HEPHL1: variants seen among roughly 807,000 people sequenced by gnomAD.
HEPHL1 encodes ferroxidase HEPHL1.
In HEPHL1, 123 loss-of-function variants were observed where a neutral mutation model predicts 122.0. The ratio of observed to expected loss-of-function variants is 1.01; its 90% CI spans 0.87 to 1.17. The LOEUF (loss-of-function observed/expected upper bound fraction) is 1.17, where lower values mean the gene tolerates loss of function less well. Ranked by LOEUF, HEPHL1 falls within the 50% of genes most tolerant of loss-of-function variation. HEPHL1 has a pLI of 0.00. For missense variants in HEPHL1, 1,452 were observed against 1,430.5 expected, an observed-to-expected ratio of 1.01 and a Z score of -0.24; for synonymous variants, 527 against 508.9, an observed-to-expected ratio of 1.04 and a Z score of -0.48.
chr11:94,037,288 G>A (rs1435240515), intron 1 of HEPHL1, among the ~76,000 whole-genome samples: 1 of 151,974 alleles, frequency 6.6e-6, no homozygotes, highest in African/African-American at 2.4e-5. Context: ...AGCGAGGCTG[G>A]GGGAGGGGCG....
chr11:94,075,592 C>T (rs1237141485), intron 9 of HEPHL1, among the ~76,000 whole-genome samples: 1 of 152,110 alleles, frequency 6.6e-6, no homozygotes, highest in Non-Finnish European at 1.5e-5. Context: ...CACTCAGGAA[C>T]CTAGAATCTC....
At chr11:94,036,946 C>T (rs143139876) in intron 1 of HEPHL1, among the ~76,000 whole-genome samples, 8,510 of 152,082 alleles carry the variant, frequency 0.056, 433 homozygotes, top group East Asian at 0.2. Flanking sequence ...TCTGCATTTC[C>T]ATCTGAGGTA....
At chr11:94,058,115 G>A (rs1358541330) in intron 2 of HEPHL1, among the ~76,000 whole-genome samples, 1 of 152,120 alleles carries the variant, frequency 6.6e-6, no homozygotes, top group East Asian at 1.9e-4. Flanking sequence ...AAGAAGTTGT[G>A]CCTAAGCATC....
chr11:94,027,023 A>T (rs1413794586), intron 1 of HEPHL1, among the ~76,000 whole-genome samples: 1 of 152,166 alleles, frequency 6.6e-6, no homozygotes, highest in African/African-American at 2.4e-5. Context: ...TCTGAACTGC[A>T]TGTGTTGTCA....
At chr11:94,041,215 A>G (rs926559811) in intron 1 of HEPHL1, among the ~76,000 whole-genome samples, 21 of 150,984 alleles carry the variant, frequency 1.4e-4, no homozygotes, top group Non-Finnish European at 2.8e-4. Context: ...TGCTCAAGGA[A>G]ATAAAAGAGG....
At chr11:94,063,774 G>C in intron 3 of HEPHL1, 54 bp downstream of exon 3, 1 of 1,477,668 alleles carries the variant, frequency 6.8e-7, no homozygotes, top group Non-Finnish European at 9.4e-7. Context: ...ATAAGATTCA[G>C]GTCTTATTTT....
At chr11:94,037,033 A>C (rs1382058792) in intron 1 of HEPHL1, among the ~76,000 whole-genome samples, 1 of 152,200 alleles carries the variant, frequency 6.6e-6, no homozygotes, top group Non-Finnish European at 1.5e-5. Context: ...GAGCCGAAGC[A>C]GGGCAAGGCA....
At chr11:94,053,330 G>A (rs1945907858) in intron 2 of HEPHL1, among the ~76,000 whole-genome samples, 1 of 151,804 alleles carries the variant, frequency 6.6e-6, no homozygotes, top group South Asian at 2.1e-4. Flanking sequence ...TCCTGACTTT[G>A]GCAATTAGTG....
At chr11:94,098,303 T>A (rs1470859047) in intron 13 of HEPHL1, among the ~76,000 whole-genome samples, 1 of 152,200 alleles carries the variant, frequency 6.6e-6, no homozygotes, top group Non-Finnish European at 1.5e-5. Context: ...AAATTCTGAG[T>A]TGAAAATTCT....
intron 1 of HEPHL1, among the ~76,000 whole-genome samples, chr11:94,043,631 C>T (rs1945807146): frequency 2.0e-5 from 3 of 152,122 alleles, no homozygotes; most frequent in Admixed American, 1.3e-4. Flanking sequence ...TGGGCACACT[C>T]CTCACTCCTC....
At chr11:94,099,629 G>C (rs1332013955) in intron 13 of HEPHL1, among the ~76,000 whole-genome samples, 2 of 152,224 alleles carry the variant, frequency 1.3e-5, no homozygotes, top group East Asian at 3.9e-4. Flanking sequence ...TACAGAGGCA[G>C]GCAGGCCTCC....
At chr11:94,099,285 C>T (rs1946347702) in intron 13 of HEPHL1, among the ~76,000 whole-genome samples, 1 of 152,212 alleles carries the variant, frequency 6.6e-6, no homozygotes, top group South Asian at 2.1e-4. Context: ...CCACTCTGGA[C>T]CCTGTTTGCC....
intron 13 of HEPHL1, among the ~76,000 whole-genome samples, chr11:94,094,054 T>C (rs4342990): frequency 1.5e-5 from 2 of 136,374 alleles, no homozygotes; most frequent in African/African-American, 2.8e-5. Context: ...CACCTGCAGG[T>C]TTGTTACATA....
At chr11:94,022,624 C>A (rs1945592011) in intron 1 of HEPHL1, among the ~76,000 whole-genome samples, 1 of 152,236 alleles carries the variant, frequency 6.6e-6, no homozygotes, top group Non-Finnish European at 1.5e-5. Context: ...AAGCCTGTGC[C>A]AGACAAGCTG....
intron 13 of HEPHL1, among the ~76,000 whole-genome samples, chr11:94,100,430 C>G (rs1336319948): frequency 6.6e-6 from 1 of 152,160 alleles, no homozygotes; most frequent in Non-Finnish European, 1.5e-5. Context: ...CTGCCACAGG[C>G]CCTCTGAGCC....
intron 1 of HEPHL1, among the ~76,000 whole-genome samples, chr11:94,023,805 T>C (rs1945601708): frequency 6.6e-6 from 1 of 152,180 alleles, no homozygotes; most frequent in South Asian, 2.1e-4. Context: ...GCAGTGGACG[T>C]TGGCTTTTAT....
At chr11:94,046,858 G>A (rs1945844009) in intron 2 of HEPHL1, among the ~76,000 whole-genome samples, 1 of 152,190 alleles carries the variant, frequency 6.6e-6, no homozygotes, top group African/African-American at 2.4e-5. Context: ...GGAATAGGTT[G>A]AAAGGTGCTG....
At chr11:94,098,156 A>G (rs1591487545) in intron 13 of HEPHL1, among the ~76,000 whole-genome samples, 2 of 152,080 alleles carry the variant, frequency 1.3e-5, no homozygotes, top group African/African-American at 2.4e-5. Flanking sequence ...GCTGGTACTG[A>G]TTGTTCCTTT....
intron 17 of HEPHL1, among the ~76,000 whole-genome samples, chr11:94,108,259 T>C (rs1269893688): frequency 1.3e-5 from 2 of 152,136 alleles, no homozygotes; most frequent in Non-Finnish European, 2.9e-5. Flanking sequence ...GGGTTACTTG[T>C]TTCCTTATTG....
Sources: gnomAD v4.1 joint callset for allele counts (sites outside exome capture counted in the v4.1 genomes callset) on GRCh38, gnomAD v4.1.1 for gene constraint, MANE v1.5 for transcripts, NCBI Gene and HGNC (gene_info 2026-07-23, HGNC 2026-07-21) for gene names.